ZFHX3: variants seen among roughly 807,000 people sequenced by gnomAD.
ZFHX3 encodes the protein zinc finger homeobox protein 3.
A neutral mutation model predicts 279.1 loss-of-function variants in ZFHX3; 42 were observed. The observed-to-expected ratio is 0.15, with a 90% CI of 0.12 to 0.19. The LOEUF (loss-of-function observed/expected upper bound fraction) is 0.19. Among genes scored for constraint, ZFHX3 ranks in the 10% least tolerant of loss-of-function variants. The pLI is 1.00. For synonymous variants in ZFHX3, 2,293 were observed against 1,957.8 expected (o/e 1.17, Z -4.52); for missense variants, 4,981 against 4,754.0 (o/e 1.05, Z -1.40).
chr16:73,157,191 T>G (rs1164062438), intron 5 of ZFHX3, among the ~76,000 whole-genome samples: 2 of 152,134 alleles, frequency 1.3e-5, no homozygotes. Context: ...CTCCTTTAGT[T>G]CCCTTTCCTT....
rs530672570 is a variant in ZFHX3, at chr16:73,147,571, AG to A, written c.-1103-3741del. Among the ~76,000 whole-genome samples the A allele has an allele frequency of 1.2e-4, 18 of 151,042 alleles. No individual in the cohort carries two copies. The South Asian group carries it at 2.1e-3, about 18-fold the overall frequency. On this transcript the variant is annotated intron_variant, in intron 5 of 17. Transcript: ENST00000641206. ...GCCGGGCGTGGTAGCGGGCGCCTGT[AG>A]TCCCAGCTACTCGGGAGGCTGAGGC...
chr16:73,650,000 T>A (rs888424591), intron 2 of ZFHX3, among the ~76,000 whole-genome samples: 2 of 152,198 alleles, frequency 1.3e-5, no homozygotes, highest in Non-Finnish European at 2.9e-5. Context: ...AACTTATTTA[T>A]CTGTGCGTCA....
chr16:73,525,150 C>T (rs936094567), intron 2 of ZFHX3, among the ~76,000 whole-genome samples: 1 of 152,158 alleles, frequency 6.6e-6, no homozygotes, highest in Non-Finnish European at 1.5e-5. Context: ...TTCGGTTTTA[C>T]GTACAGTTAA....
intron 2 of ZFHX3, among the ~76,000 whole-genome samples, chr16:73,600,111 A>G (rs187832195): frequency 1.3e-5 from 2 of 152,346 alleles, no homozygotes; most frequent in East Asian, 3.9e-4. Context: ...TCTTTGTATC[A>G]GAATGTAGGA....
chr16:73,661,255 A>G (rs972028855), intron 2 of ZFHX3, among the ~76,000 whole-genome samples: 3 of 152,244 alleles, frequency 2.0e-5, no homozygotes, highest in African/African-American at 7.2e-5. Flanking sequence ...AGAGTAGGTT[A>G]TGATGTAAAC....
chr16:73,633,597 T>C (rs2052498008), intron 2 of ZFHX3, among the ~76,000 whole-genome samples: 1 of 152,240 alleles, frequency 6.6e-6, no homozygotes, highest in Admixed American at 6.5e-5. Flanking sequence ...CTTTTCTCTA[T>C]AACTGAAGGA....
At chr16:73,561,439 C>A (rs886970989) in intron 2 of ZFHX3, among the ~76,000 whole-genome samples, 1 of 152,134 alleles carries the variant, frequency 6.6e-6, no homozygotes, top group Non-Finnish European at 1.5e-5. Context: ...ATGCAGATAA[C>A]AAGAGTTAAA....
chr16:73,527,899 C>G (rs932174491), intron 2 of ZFHX3, among the ~76,000 whole-genome samples: 2 of 152,174 alleles, frequency 1.3e-5, no homozygotes, highest in African/African-American at 4.8e-5. Flanking sequence ...GTCAGAGGCA[C>G]CCAGCTAACC....
At position 72,785,066 on chromosome 16, in the gene ZFHX3, T is replaced by TA. The variant is rs3841241; in HGVS notation, c.*2097dup. The TA allele has an allele frequency of 0.033, 5,069 of 152,680 alleles. 616 individuals are homozygous for TA. Among genetic ancestry groups the TA allele is most frequent in the East Asian group, 0.28 (1,466 of 5,170 alleles). 9.5% of individuals were successfully genotyped at this position (152,680 alleles called of 1,614,324 possible). ...GTCTTCAAAGTTCCCTTTTGAAACATAAGGAAGAAAACGAAGGGAAGAAGG... is the reference window on the plus strand; with the variant it reads ...GTCTTCAAAGTTCCCTTTTGAAACATAAAGGAAGAAAACGAAGGGAAGAAGG... On this transcript the variant is annotated 3_prime_UTR_variant, in exon 10 of 10. Coordinates refer to ENST00000268489, the MANE Select transcript of ZFHX3 (RefSeq NM_006885.4).
At chr16:72,887,881 G>A (rs895094338) in intron 4 of ZFHX3, among the ~76,000 whole-genome samples, 8 of 152,016 alleles carry the variant, frequency 5.3e-5, no homozygotes, top group Admixed American at 3.3e-4. Context: ...GTGTGTGCGC[G>A]CACGTGCGAG....
intron 5 of ZFHX3, among the ~76,000 whole-genome samples, chr16:73,212,080 TTC>T (rs1376848441): frequency 6.6e-6 from 1 of 151,908 alleles, no homozygotes; most frequent in Non-Finnish European, 1.5e-5. Flanking sequence ...AGCTGGTGAC[TTC>T]TCTCTCTCTC....
At chr16:73,207,746 G>T (rs1222453883) in intron 5 of ZFHX3, among the ~76,000 whole-genome samples, 11 of 152,122 alleles carry the variant, frequency 7.2e-5, no homozygotes, top group Non-Finnish European at 1.6e-4. Flanking sequence ...AAAAGAGAAG[G>T]TGAGGGCAGA....
At chr16:73,163,568 C>T (rs548157779) in intron 5 of ZFHX3, among the ~76,000 whole-genome samples, 309 of 152,284 alleles carry the variant, frequency 2.0e-3, no homozygotes, top group Non-Finnish European at 3.1e-3. Context: ...TTTGCTCTCT[C>T]GACCTTTATA....
chr16:73,647,381 G>A (rs2052629225), intron 2 of ZFHX3, among the ~76,000 whole-genome samples: 1 of 152,152 alleles, frequency 6.6e-6, no homozygotes, highest in Non-Finnish European at 1.5e-5. Flanking sequence ...GAGGTGGCTG[G>A]ATCACGGGGG....
At chr16:73,283,020 AAAC>A (rs2014496199) in intron 4 of ZFHX3, among the ~76,000 whole-genome samples, 3 of 152,230 alleles carry the variant, frequency 2.0e-5, no homozygotes, top group Admixed American at 1.3e-4. Context: ...CAGAGAAGTC[AAAC>A]AACAAATAAA....
At position 72,787,440 on chromosome 16, in the gene ZFHX3, G is replaced by C; in HGVS notation, c.10836C>G (p.Ala3612=). 1 of 1,605,858 alleles carries C rather than the reference G, an allele frequency of 6.2e-7. No individual in the cohort carries two copies. The highest frequency in any genetic ancestry group is 1.3e-5 in the African/African-American group (1 of 74,718). Residue 3612 remains alanine (A), a synonymous_variant, in exon 10 of 10, where the codon GCC becomes GCG. Coordinates refer to ENST00000268489, the MANE Select transcript of ZFHX3 (RefSeq NM_006885.4). ...CCACTTGCGGCCAAGACTTCCTGGA[G>C]GCGTGGGGGGAAGCGGAGGAGGGGG... is the stretch of plus-strand genomic sequence containing the variant. ...AAAPSSASPH[A]SRKSWPQVVS... is the part of the protein sequence containing the mutation.
intron 5 of ZFHX3, among the ~76,000 whole-genome samples, chr16:73,211,868 G>A (rs2012031416): frequency 1.3e-5 from 2 of 151,984 alleles, no homozygotes; most frequent in Admixed American, 1.3e-4. Context: ...TGAGTAGTGG[G>A]CCTCGGCCTC....
chr16:72,795,524 C>T lies in ZFHX3; in HGVS notation c.7158G>A (p.Met2386Ile). The T allele has an allele frequency of 1.2e-6, 2 of 1,614,072 alleles. No individual in the cohort carries two copies. Among genetic ancestry groups the T allele is most frequent in the Non-Finnish European group, 1.7e-6 (2 of 1,180,020 alleles). ...CTGGGGCGCTGTAAGCCTGTGAGGG[C>T]ATCGGGGTACTGCAGGATGAGCTGG... ...TPTSSSCSTP[M>I]PSQAYSAPAP... The change falls in exon 9 of 10, where the codon ATG (methionine) becomes ATA (isoleucine). Residue 2386 changes from methionine to isoleucine, a missense_variant. Transcript: ENST00000268489.
At chr16:73,144,134 T>G (rs113918410) in intron 5 of ZFHX3, among the ~76,000 whole-genome samples, 2,854 of 152,150 alleles carry the variant, frequency 0.019, 89 homozygotes, top group African/African-American at 0.064. Context: ...CTGATATTAA[T>G]TAAAAATCAT....
Sources: gnomAD v4.1 joint callset for allele counts (sites outside exome capture counted in the v4.1 genomes callset) on GRCh38, gnomAD v4.1.1 for gene constraint, MANE v1.5 for transcripts, NCBI Gene and HGNC (gene_info 2026-07-23, HGNC 2026-07-21) for gene names.